The following TMEM38A variants were observed in gnomAD, a reference collection of about 807,000 sequenced individuals.
TMEM38A encodes trimeric intracellular cation channel type A.
TMEM38A carries 17 observed loss-of-function variants against 28.6 expected under a neutral mutation model. That is an observed-to-expected ratio of 0.60 (90% CI 0.41 to 0.89). The LOEUF is 0.89. Among genes scored for constraint, TMEM38A ranks in the 40% least tolerant of loss-of-function variants. The pLI is 0.00. For missense variants in TMEM38A, 328 were observed against 393.1 expected, an observed-to-expected ratio of 0.83 and a Z score of 1.40; for synonymous variants, 169 against 166.1, an observed-to-expected ratio of 1.02 and a Z score of -0.14.
Position 16,661,297 on chromosome 19 carries a change from T to C in TMEM38A, c.80T>C (p.Leu27Pro). ...SRVPLFPVFD[L>P]SYFIVSILYL... ...GTGCCGCTCTTCCCCGTCTTCGACC[T>C]CAGTTACTTCATCGTCTCCATCCTC... Residue 27 changes from leucine (L) to proline (P), a missense_variant, in exon 1 of 6, where the codon CTC becomes CCC. Transcript: ENST00000187762. This position sits in a 1 kb window ranked among gnomAD's most constrained non-coding sequence, Gnocchi z 6.5. The C allele has an allele frequency of 6.3e-7, 1 of 1,598,932 alleles. No homozygotes were observed. The highest frequency in any genetic ancestry group is 8.5e-7 in the Non-Finnish European group (1 of 1,173,332).
At chr19:16,674,698 C>T (rs1426409710) in intron 1 of TMEM38A, among the ~76,000 whole-genome samples, 3 of 151,926 alleles carry the variant, frequency 2.0e-5, no homozygotes, top group Non-Finnish European at 4.4e-5. Flanking sequence ...AGTCGGGAGG[C>T]TGAGGCAGGA....
At chr19:16,668,892 G>A (rs925168939) in intron 1 of TMEM38A, among the ~76,000 whole-genome samples, 2 of 140,440 alleles carry the variant, frequency 1.4e-5, no homozygotes, top group African/African-American at 5.4e-5. Flanking sequence ...GCAATGGTTT[G>A]ATCTTGGCTC....
rs554306224 is a variant in TMEM38A, at chr19:16,666,302, A to C, written c.124+4961A>C. Among the ~76,000 whole-genome samples, 4 of 151,774 alleles carry C rather than the reference A, an allele frequency of 2.6e-5. No homozygotes were observed. In the East Asian group the frequency reaches 7.7e-4, roughly 29 times the overall value. Reference sequence around the variant, plus strand: ...CCCATTTTTTTTGTATTTTTAGTAGAGATGAGTTTTCACCATGTTGGTCAG... The same window carrying C: ...CCCATTTTTTTTGTATTTTTAGTAGCGATGAGTTTTCACCATGTTGGTCAG... On this transcript the variant is annotated intron_variant, in intron 1 of 5. Transcript: ENST00000187762.
intron 4 of TMEM38A, among the ~76,000 whole-genome samples, chr19:16,684,555 T>C (rs2122598807): frequency 6.6e-6 from 1 of 151,512 alleles, no homozygotes. Flanking sequence ...AATAAAAATA[T>C]CTTAAACCTA....
Position 16,684,047 on chromosome 19 carries a change from T to C in TMEM38A, c.554+1539T>C, listed in dbSNP as rs11671422. ...TGGGAGGCTGAGGCAGGAGAACCGG[T>C]TGAACCCGGGAGGCAGAGGTTGCTG... On this transcript the variant is annotated intron_variant, in intron 4 of 5. Coordinates refer to ENST00000187762, the MANE Select transcript of TMEM38A (RefSeq NM_024074.4). Among the ~76,000 whole-genome samples, 26 of 151,508 alleles carry C rather than the reference T, an allele frequency of 1.7e-4. No homozygotes were observed. The East Asian group carries it at 4.8e-3, about 28-fold the overall frequency.
In TMEM38A at chr19:16,680,553, C is replaced by T. The variant is rs768099700; in HGVS notation, c.438C>T (p.Phe146=). 8.7e-6 allele frequency: 14 copies of T among 1,613,954 alleles called. No homozygotes were observed. The highest frequency in any genetic ancestry group is 5.3e-5 in the African/African-American group (4 of 74,918). ...HAHHHYHHGW[F]VMIATGWVKG... The stretch of plus-strand genomic sequence containing the variant: ...ATCACCACTACCACCACGGGTGGTT[C>T]GTCATGATTGCAACTGGGTGGGTCA... The change falls in exon 3 of 6, where the codon TTC becomes TTT. Residue 146 remains phenylalanine, a synonymous_variant. Transcript: ENST00000187762.
Position 16,680,044 on chromosome 19 carries a change from G to T in TMEM38A, c.185G>T (p.Cys62Phe). The T allele has an allele frequency of 6.2e-7, 1 of 1,611,268 alleles. No homozygotes were observed. Among genetic ancestry groups the T allele is most frequent in the East Asian group, 2.2e-5 (1 of 44,870 alleles). Residue 62 changes from cysteine (C) to phenylalanine (F), a missense_variant, in exon 2 of 6, where the codon TGC (cysteine) becomes TTC (phenylalanine). Coordinates refer to ENST00000187762, the MANE Select transcript of TMEM38A (RefSeq NM_024074.4). ...TCCTGGCTGTGCGCCATGCTGCATTGCTTCGGGAGCTACATCCTGGCTGAT... is the reference window on the plus strand; with the variant it reads ...TCCTGGCTGTGCGCCATGCTGCATTTCTTCGGGAGCTACATCCTGGCTGAT... ...IASWLCAMLH[C>F]FGSYILADLL... is the part of the protein sequence containing the mutation.
In TMEM38A at chr19:16,688,511, C is replaced by A; in HGVS notation, c.*140C>A. On this transcript the variant is annotated 3_prime_UTR_variant, in exon 6 of 6. Transcript: ENST00000187762. Reference sequence around the variant, plus strand: ...AGGGTCATTGGCTCACCCTCCAGGGCTGATGTGGGGGTTGAGATATGGGGA... The same window carrying A: ...AGGGTCATTGGCTCACCCTCCAGGGATGATGTGGGGGTTGAGATATGGGGA... 1.6e-6 allele frequency: 1 copy of A among 641,362 alleles called. No homozygotes were observed. The highest frequency in any genetic ancestry group is 2.4e-6 in the Non-Finnish European group (1 of 423,080). 39.7% of individuals were successfully genotyped at this position (641,362 alleles called of 1,614,324 possible). A position where few individuals can be genotyped will look rare whatever the true frequency, so the allele number is the denominator to read the frequency against.
intron 1 of TMEM38A, among the ~76,000 whole-genome samples, chr19:16,666,962 AAAAAG>A (rs1378567095): frequency 2.0e-5 from 3 of 148,060 alleles, no homozygotes; most frequent in East Asian, 2.0e-4. Context: ...CAAAAAAAAA[AAAAAG>A]AAAAGAAATG....
intron 1 of TMEM38A, among the ~76,000 whole-genome samples, chr19:16,675,334 A>G (rs2086745582): frequency 6.6e-6 from 1 of 151,960 alleles, no homozygotes; most frequent in Non-Finnish European, 1.5e-5. Flanking sequence ...TCCAGGCTCA[A>G]GTGGTCCTCC....
At chr19:16,666,639 T>C (rs1173798937) in intron 1 of TMEM38A, among the ~76,000 whole-genome samples, 1 of 151,916 alleles carries the variant, frequency 6.6e-6, no homozygotes, top group Non-Finnish European at 1.5e-5. Flanking sequence ...AACTGAGCAG[T>C]GTCAATGTCA....
intron 1 of TMEM38A, among the ~76,000 whole-genome samples, chr19:16,670,683 A>G (rs2086723499): frequency 3.9e-5 from 6 of 152,048 alleles, no homozygotes; most frequent in Admixed American, 3.3e-4. Flanking sequence ...TCATGCCTGT[A>G]ATCCCAGCAC....
intron 1 of TMEM38A, among the ~76,000 whole-genome samples, chr19:16,662,144 A>T (rs1435503205): frequency 6.6e-6 from 1 of 152,214 alleles, no homozygotes; most frequent in Non-Finnish European, 1.5e-5. Flanking sequence ...GTTCACCGTT[A>T]TTCTAGAACA....
chr19:16,680,256 C>A, intron 2 of TMEM38A, 116 bp downstream of exon 2: 2 of 1,484,492 alleles, frequency 1.3e-6, no homozygotes, highest in Non-Finnish European at 1.8e-6. Flanking sequence ...CTCATGATGG[C>A]CCTGAATATG....
At chr19:16,669,961 TTTTTA>T (rs972965416) in intron 1 of TMEM38A, among the ~76,000 whole-genome samples, 2 of 151,852 alleles carry the variant, frequency 1.3e-5, no homozygotes, top group Non-Finnish European at 1.5e-5. Flanking sequence ...TATTTATTTA[TTTTTA>T]TTTTATTATT....
At chr19:16,663,926 C>G (rs2086693007) in intron 1 of TMEM38A, among the ~76,000 whole-genome samples, 1 of 151,988 alleles carries the variant, frequency 6.6e-6, no homozygotes, top group Non-Finnish European at 1.5e-5. Flanking sequence ...TGTCTGTTAT[C>G]AGGGCTGAGG....
chr19:16,686,210 CAG>C (rs2086801144), intron 4 of TMEM38A, 76 bp from the exon 5 acceptor site: 2 of 1,005,938 alleles, frequency 2.0e-6, no homozygotes, highest in Non-Finnish European at 3.1e-6. Context: ...GGTGCCAGGG[CAG>C]GGGGGTGTCT....
rs1599394225 is a variant in TMEM38A at position 16,688,493 on chromosome 19, T to C, written c.*122T>C. The C allele has an allele frequency of 1.3e-6, 1 of 778,798 alleles. No individual in the cohort carries two copies. Among genetic ancestry groups the C allele is most frequent in the East Asian group, 3.3e-5 (1 of 30,490 alleles). The allele number at this position is 778,798 out of a possible 1,614,324, so 48.2% of individuals were successfully genotyped here. A position where few individuals can be genotyped will look rare whatever the true frequency, so the allele number is the denominator to read the frequency against. Reference sequence around the variant, plus strand: ...CTTCCCCATCTGCAAATCAGGGTCATTGGCTCACCCTCCAGGGCTGATGTG... The same window carrying C: ...CTTCCCCATCTGCAAATCAGGGTCACTGGCTCACCCTCCAGGGCTGATGTG... On this transcript the variant is annotated 3_prime_UTR_variant, in exon 6 of 6. Transcript: ENST00000187762.
chr19:16,674,690 T>C (rs2086742360), intron 1 of TMEM38A, among the ~76,000 whole-genome samples: 1 of 151,646 alleles, frequency 6.6e-6, no homozygotes, highest in Admixed American at 6.6e-5. Flanking sequence ...TCCTAGCTAG[T>C]CGGGAGGCTG....
Sources: allele counts gnomAD v4.1 joint callset (sites outside exome capture counted in the v4.1 genomes callset), GRCh38; gene constraint gnomAD v4.1.1; non-coding constraint Gnocchi (gnomAD v3.1); transcripts MANE v1.5; gene names NCBI Gene and HGNC (gene_info 2026-07-23, HGNC 2026-07-21).